OTOG: variants seen among roughly 807,000 people sequenced by gnomAD.
OTOG encodes the protein otogelin.
In OTOG, 296 loss-of-function variants were observed where a neutral mutation model predicts 313.8. The observed-to-expected ratio is 0.94, with a 90% CI of 0.86 to 1.04. The LOEUF (loss-of-function observed/expected upper bound fraction) is 1.04. OTOG is among the 50% of genes least tolerant of loss of function. OTOG has a pLI of 0.00. For missense variants in OTOG, 3,948 were observed against 3,840.1 expected, an observed-to-expected ratio of 1.03 and a Z score of -0.74; for synonymous variants, 1,533 against 1,554.9, an observed-to-expected ratio of 0.99 and a Z score of 0.33.
At chr11:17,581,837 AGCCGGTTCC>A (rs1202441388) in intron 23 of OTOG, among the ~76,000 whole-genome samples, 1 of 152,168 alleles carries the variant, frequency 6.6e-6, no homozygotes, top group East Asian at 1.9e-4. Context: ...AGTCCTTTCC[AGCCGGTTCC>A]GCCCCCACCA....
chr11:17,569,005 T>C, intron 15 of OTOG, 151 bp from the exon 16 acceptor site: 1 of 932,234 alleles, frequency 1.1e-6, no homozygotes, highest in Admixed American at 2.7e-5. Context: ...GGTATTTGGT[T>C]GGATGATCCC....
chr11:17,548,205 G>A lies in OTOG; in HGVS notation c.209G>A (p.Gly70Glu), dbSNP rs896480008. 18 of 1,547,396 alleles carry A rather than the reference G, an allele frequency of 1.2e-5. No individual in the cohort carries two copies. The Admixed American group carries it at 3.3e-4, about 29-fold the overall frequency. ...ATGGGGGACAAGGCTACAGTCGTGG[G>A]AGGCCAGGTAAGGGAGGTCTTGGGA... The part of the protein sequence containing the change: ...LAMGDKATVV[G>E]GQQAEAPDSV... The change falls in exon 3 of 56, where the codon GGA becomes GAA. Residue 70 changes from glycine (G) to glutamate (E), a missense_variant. Transcript: ENST00000399397.
In OTOG at chr11:17,573,059, C is replaced by T. The variant is rs944333181; in HGVS notation, c.2081-19C>T. ...GACCGACTCCCCTGACTGCCTGGCT[C>T]CTGTTCTTCCTTCCCCAGCCTCCTA... On this transcript the variant is annotated intron_variant, in intron 18 of 55. Coordinates refer to ENST00000399397, the MANE Select transcript of OTOG (RefSeq NM_001292063.2). 3.3e-6 allele frequency: 5 copies of T among 1,531,000 alleles called. No homozygotes were observed. Among genetic ancestry groups the T allele is most frequent in the African/African-American group, 1.4e-5 (1 of 72,716 alleles). 94.8% of individuals were successfully genotyped at this position (1,531,000 alleles called of 1,614,324 possible). A position where few individuals can be genotyped will look rare whatever the true frequency, so the allele number is the denominator to read the frequency against.
At chr11:17,608,711 T>C (rs1307856739) in intron 34 of OTOG, among the ~76,000 whole-genome samples, 1 of 152,168 alleles carries the variant, frequency 6.6e-6, no homozygotes, top group Non-Finnish European at 1.5e-5. Flanking sequence ...TGTGTGAGGG[T>C]GTATTCACTG....
In OTOG at chr11:17,634,872, C is replaced by T. The variant is rs1260257985; in HGVS notation, c.7509C>T (p.Leu2503=). The part of the protein sequence containing the change: ...CVCNQTLCEG[L]APTCRPGHRL... Reference sequence around the variant, plus strand: ...GTAACCAGACTCTGTGTGAGGGTCTCGCCCCCACATGCCGCCCAGGCCACC... The same window carrying T: ...GTAACCAGACTCTGTGTGAGGGTCTTGCCCCCACATGCCGCCCAGGCCACC... The change falls in exon 45 of 56, where the codon CTC becomes CTT. Residue 2503 remains leucine (L), a synonymous_variant. Transcript: ENST00000399397. The T allele has an allele frequency of 3.9e-6, 6 of 1,549,448 alleles. No individual in the cohort carries two copies. Among genetic ancestry groups the T allele is most frequent in the Non-Finnish European group, 4.4e-6 (5 of 1,146,812 alleles).
At chr11:17,578,624 G>A (rs772625356) in intron 23 of OTOG, 98 bp downstream of exon 23, 9 of 1,400,000 alleles carry the variant, frequency 6.4e-6, no homozygotes, top group Non-Finnish European at 8.4e-6. Flanking sequence ...ACATGGCCTT[G>A]TAGGAAGGCA....
At chr11:17,556,355 C>G in intron 7 of OTOG, among the ~76,000 whole-genome samples, 1 of 152,098 alleles carries the variant, frequency 6.6e-6, no homozygotes. Flanking sequence ...GAGTGGGGAC[C>G]CCTTGCTCCC....
chr11:17,593,452 G>A (rs1053460812), intron 26 of OTOG, 125 bp downstream of exon 26: 1 of 1,423,004 alleles, frequency 7.0e-7, no homozygotes, highest in Non-Finnish European at 9.5e-7. Context: ...TGAGTTAGGA[G>A]CCCAGACTGA....
At chr11:17,569,396 C>T (rs770784943) in intron 16 of OTOG, 108 bp downstream of exon 16, 3 of 1,436,846 alleles carry the variant, frequency 2.1e-6, no homozygotes, top group Non-Finnish European at 2.8e-6. Context: ...AACTCATATT[C>T]TAGTACTGGG....
At chr11:17,603,241 A>G (rs1044494784) in intron 32 of OTOG, among the ~76,000 whole-genome samples, 1 of 152,094 alleles carries the variant, frequency 6.6e-6, no homozygotes, top group Non-Finnish European at 1.5e-5. Flanking sequence ...GGAGTCAGGC[A>G]CTGGGCCGCA....
rs1847992160 is a variant in OTOG, at chr11:17,642,220, C to T, written c.8389C>T (p.Pro2797Ser). The T allele has an allele frequency of 6.5e-7, 1 of 1,550,110 alleles. No individual in the cohort carries two copies. The highest frequency in any genetic ancestry group is 8.7e-7 in the Non-Finnish European group (1 of 1,146,706). The change falls in exon 53 of 56, where the codon CCG (proline) becomes TCG (serine). Residue 2797 changes from proline to serine, a missense_variant. Coordinates refer to ENST00000399397, the MANE Select transcript of OTOG (RefSeq NM_001292063.2). ...VLVRSPISCP[P>S]LNETECAKVG... ...GGTCCGCTCTCCCATAAGCTGCCCA[C>T]CGCTCAATGAGACTGAGTGTGCCAA...
rs1852513154 is a variant in OTOG, at chr11:17,575,938, G to T, written c.2487-618G>T. 2.6e-5 allele frequency among the ~76,000 whole-genome samples: 4 copies of T among 152,326 alleles called. No individual in the cohort carries two copies. In the South Asian group the frequency reaches 8.3e-4, roughly 32 times the overall value. On this transcript the variant is annotated intron_variant, in intron 20 of 55. Transcript: ENST00000399397. ...CAAGACCTGCACGTGCCTATAATCG[G>T]CAGGTTCTGTGGGAGCTGTGTGAGG...
intron 42 of OTOG, among the ~76,000 whole-genome samples, chr11:17,632,726 C>A (rs544612707): frequency 2.7e-4 from 41 of 152,234 alleles, no homozygotes; most frequent in African/African-American, 9.4e-4. Context: ...GCCTCCTCCT[C>A]CCCCAATTAG....
In OTOG at chr11:17,629,290, G is replaced by A. The variant is rs145742889; in HGVS notation, c.6686G>A (p.Ser2229Asn). The A allele has an allele frequency of 1.4e-4, 214 of 1,550,478 alleles. 1 individual carries two copies. The African/African-American group carries it at 2.5e-3, about 18-fold the overall frequency. Residue 2229 changes from serine (S) to asparagine (N), a missense_variant, in exon 40 of 56, where the codon AGC becomes AAC. Physicochemically the swap from Ser to Asn is conservative, Grantham distance 46 (BLOSUM62 1). Transcript: ENST00000399397. ...GLMIVEASKT[S>N]KAQGHGLCGI... ...ATGATCGTGGAGGCCAGCAAAACCA[G>A]CAAGGCCCAGGGCCATGGCCTGTGC...
chr11:17,586,557 A>G lies in OTOG; in HGVS notation c.2843A>G (p.Gln948Arg). ...WKGKEYFPGD[Q>R]VMSPCHTCVC... The stretch of plus-strand genomic sequence containing the variant: ...GGGAAGGAGTATTTCCCTGGGGACC[A>G]GGTGATGTCTCCTTGCCATACCTGG... The change falls in exon 24 of 56, where the codon CAG becomes CGG. Residue 948 changes from glutamine to arginine, a missense_variant. By Grantham distance (43) the Gln-to-Arg change is conservative. Transcript: ENST00000399397. 2 of 1,419,582 alleles carry G rather than the reference A, an allele frequency of 1.4e-6. No homozygotes were observed. Among genetic ancestry groups the G allele is most frequent in the Non-Finnish European group, 1.8e-6 (2 of 1,082,588 alleles). 87.9% of individuals were successfully genotyped at this position (1,419,582 alleles called of 1,614,324 possible).
intron 54 of OTOG, among the ~76,000 whole-genome samples, chr11:17,644,483 C>T (rs773475023): frequency 6.6e-6 from 1 of 152,174 alleles, no homozygotes; most frequent in South Asian, 2.1e-4. Flanking sequence ...ATTTGTGGAG[C>T]GCCAACTATG....
chr11:17,584,737 G>T (rs963431655), intron 23 of OTOG, among the ~76,000 whole-genome samples: 1 of 152,198 alleles, frequency 6.6e-6, no homozygotes, highest in Non-Finnish European at 1.5e-5. Context: ...TGTTGGCCAG[G>T]ATGGTCTTGA....
At chr11:17,584,125 TAC>T (rs1479405957) in intron 23 of OTOG, among the ~76,000 whole-genome samples, 2 of 152,232 alleles carry the variant, frequency 1.3e-5, no homozygotes, top group Admixed American at 1.3e-4. Flanking sequence ...AATATAGAAA[TAC>T]AGTCGATTTT....
At chr11:17,603,330 C>T (rs1438645538) in intron 32 of OTOG, among the ~76,000 whole-genome samples, 3 of 152,188 alleles carry the variant, frequency 2.0e-5, no homozygotes, top group African/African-American at 7.2e-5. Context: ...GCATTCCTGC[C>T]TGACGAAGGG....
Sources: gnomAD v4.1 joint callset for allele counts (sites outside exome capture counted in the v4.1 genomes callset) on GRCh38, gnomAD v4.1.1 for gene constraint, MANE v1.5 for transcripts, NCBI Gene and HGNC (gene_info 2026-07-23, HGNC 2026-07-21) for gene names.